CACNB4: variants seen among roughly 807,000 people sequenced by gnomAD.
CACNB4 encodes the protein calcium voltage-gated channel auxiliary subunit beta 4.
Under a neutral mutation model 71.2 loss-of-function variants are expected in CACNB4, and 32 were observed. That is an observed-to-expected ratio of 0.45 (90% CI 0.34 to 0.60). The LOEUF (loss-of-function observed/expected upper bound fraction) is 0.60. CACNB4 is among the 20% of genes least tolerant of loss of function. CACNB4 has a pLI of 0.01. For missense variants in CACNB4, 464 were observed against 647.9 expected (o/e 0.72, Z 3.08); for synonymous variants, 231 against 236.9 (o/e 0.97, Z 0.23).
chr2:151,891,444 T>TAGA (rs2099850697), intron 2 of CACNB4, among the ~76,000 whole-genome samples: 1 of 152,168 alleles, frequency 6.6e-6, no homozygotes, highest in Admixed American at 6.5e-5. Context: ...AGCAAGAGGG[T>TAGA]AGATTCCTTT....
intron 9 of CACNB4, among the ~76,000 whole-genome samples, chr2:151,861,915 T>A (rs1241530019): frequency 6.6e-6 from 1 of 151,482 alleles, no homozygotes; most frequent in Non-Finnish European, 1.5e-5. Context: ...TATTTGCATA[T>A]GATTTATCAA....
chr2:151,935,868 A>T (rs1434399523), intron 2 of CACNB4, among the ~76,000 whole-genome samples: 2 of 152,250 alleles, frequency 1.3e-5, no homozygotes, highest in Admixed American at 6.5e-5. Flanking sequence ...CAAGGAATAT[A>T]AAATGCCTAG....
chr2:151,915,639 T>G (rs1417467474), intron 2 of CACNB4, among the ~76,000 whole-genome samples: 1 of 151,930 alleles, frequency 6.6e-6, no homozygotes, highest in African/African-American at 2.4e-5. Flanking sequence ...GGTCAGGAGC[T>G]CGAGACCAGC....
chr2:152,086,443 A>G (rs1355835532), intron 2 of CACNB4, among the ~76,000 whole-genome samples: 1 of 152,224 alleles, frequency 6.6e-6, no homozygotes, highest in Non-Finnish European at 1.5e-5. Flanking sequence ...TCCCCCAGGG[A>G]AGTACTCAAA....
At chr2:152,038,255 G>A (rs1684696547) in intron 2 of CACNB4, among the ~76,000 whole-genome samples, 1 of 152,180 alleles carries the variant, frequency 6.6e-6, no homozygotes, top group Admixed American at 6.5e-5. Context: ...TTGTAATTCT[G>A]GGGTTTGGTA....
At chr2:152,017,479 G>A (rs12477734) in intron 2 of CACNB4, among the ~76,000 whole-genome samples, 29,525 of 137,612 alleles carry the variant, frequency 0.21, 4,184 homozygotes, top group East Asian at 0.73. Flanking sequence ...AGGCTGAGGC[G>A]GGCGGATCCC....
chr2:152,062,517 T>C (rs371054335), intron 2 of CACNB4, among the ~76,000 whole-genome samples: 1 of 152,142 alleles, frequency 6.6e-6, no homozygotes, highest in East Asian at 1.9e-4. Flanking sequence ...ATACATGCAT[T>C]CCTAAAGCAA....
chr2:151,962,475 A>G (rs1406065971), intron 2 of CACNB4, among the ~76,000 whole-genome samples: 1 of 152,230 alleles, frequency 6.6e-6, no homozygotes, highest in Non-Finnish European at 1.5e-5. Flanking sequence ...CTTTTAAAAA[A>G]TATTGCTACT....
chr2:151,866,393 T>C (rs1037875089), intron 9 of CACNB4: 9 of 152,234 alleles, frequency 5.9e-5, no homozygotes, highest in Admixed American at 2.6e-4. Context: ...TCATAGCCCA[T>C]GAAACACAGA....
intron 2 of CACNB4, chr2:151,973,810 A>G: frequency 6.5e-7 from 1 of 1,536,524 alleles, no homozygotes; most frequent in Non-Finnish European, 8.8e-7. Flanking sequence ...TGTTTGGGAG[A>G]ACTGCGCCTG....
chr2:152,082,935 T>G, intron 2 of CACNB4, among the ~76,000 whole-genome samples: 1 of 152,206 alleles, frequency 6.6e-6, no homozygotes. Flanking sequence ...AAATTTTCTG[T>G]TATATTTATT....
chr2:151,953,010 G>T (rs1203711122), intron 2 of CACNB4, among the ~76,000 whole-genome samples: 2 of 152,182 alleles, frequency 1.3e-5, no homozygotes, highest in Admixed American at 1.3e-4. Context: ...CTGGGTATAT[G>T]TTTACGGAGA....
intron 2 of CACNB4, chr2:151,971,433 T>G: frequency 1.4e-6 from 1 of 697,498 alleles, no homozygotes; most frequent in Non-Finnish European, 2.6e-6. Context: ...CAGCTTTTAG[T>G]GCCTATATAT....
chr2:152,031,446 G>A (rs374412248), intron 2 of CACNB4, among the ~76,000 whole-genome samples: 4 of 152,196 alleles, frequency 2.6e-5, no homozygotes, highest in African/African-American at 7.2e-5. Flanking sequence ...GAGAGCACAC[G>A]CAGGTGAGCG....
chr2:152,053,110 G>A (rs1474096283), intron 2 of CACNB4, among the ~76,000 whole-genome samples: 6 of 152,100 alleles, frequency 3.9e-5, no homozygotes, highest in Non-Finnish European at 5.9e-5. Context: ...CTATAGTTTT[G>A]AATATAAAAA....
intron 2 of CACNB4, among the ~76,000 whole-genome samples, chr2:151,898,213 G>C (rs976271882): frequency 6.6e-6 from 1 of 152,190 alleles, no homozygotes; most frequent in Non-Finnish European, 1.5e-5. Flanking sequence ...GAATAAGACT[G>C]CTGTCCTTTG....
At chr2:152,035,651 C>CTCTCTCTCTCTCTCTCTATA (rs796161186) in intron 2 of CACNB4, among the ~76,000 whole-genome samples, 48 of 118,066 alleles carry the variant, frequency 4.1e-4, no homozygotes, top group African/African-American at 1.6e-3. Context: ...CTCTCTCTCT[C>CTCTCTCTCTCTCTCTCTATA]TATATATATA....
chr2:152,072,883 T>C (rs1286846981), intron 2 of CACNB4, among the ~76,000 whole-genome samples: 1 of 151,632 alleles, frequency 6.6e-6, no homozygotes, highest in African/African-American at 2.4e-5. Context: ...TCTCCTGACC[T>C]CAGGATCCGC....
chr2:151,984,334 G>A (rs12053177), intron 2 of CACNB4, among the ~76,000 whole-genome samples: 141,814 of 152,248 alleles, frequency 0.93, 66,862 homozygotes, highest in East Asian at 1. Context: ...GTAAATGATC[G>A]GATTTACCTA....
Sources: gnomAD v4.1 joint callset for allele counts (sites outside exome capture counted in the v4.1 genomes callset) on GRCh38, gnomAD v4.1.1 for gene constraint, MANE v1.5 for transcripts, NCBI Gene and HGNC (gene_info 2026-07-23, HGNC 2026-07-21) for gene names.